Variants in ARHGAP11A observed in about 807,000 individuals in gnomAD.
The protein encoded by ARHGAP11A is Rho GTPase activating protein 11A.
ARHGAP11A carries 36 observed loss-of-function variants against 60.5 expected under a neutral mutation model. The observed-to-expected ratio is 0.59, with a 90% CI of 0.46 to 0.79. ARHGAP11A has a LOEUF of 0.79. ARHGAP11A is among the 30% of genes least tolerant of loss of function. The pLI, the probability that ARHGAP11A is intolerant of heterozygous loss-of-function variation, is 0.00. For missense variants in ARHGAP11A, 1,071 were observed against 1,199.2 expected (o/e 0.89, Z 1.58); for synonymous variants, 362 against 415.5 (o/e 0.87, Z 1.57).
rs535460274 is a variant in ARHGAP11A at position 32,628,460 on chromosome 15, C to T, written c.863-268C>T. ...ACATGTAATGATTTCTTTTTCCCTA[C>T]CCTTACTGTACATTATATGTATTTG... On this transcript the variant is annotated intron_variant, in intron 6 of 11. Transcript: ENST00000361627. Among the ~76,000 whole-genome samples, 5 of 152,226 alleles carry T rather than the reference C, an allele frequency of 3.3e-5. No individual in the cohort carries two copies. In the East Asian group the frequency reaches 7.7e-4, roughly 23 times the overall value.
rs1370212807 is a variant in ARHGAP11A, at chr15:32,637,207, C to A, written c.2434C>A (p.Gln812Lys). The stretch of plus-strand genomic sequence containing the variant: ...ACATAGAAAGGTTTCTGATCACATA[C>A]AGTGGTTTAACAAGCTTTCTTTAAA... ...TEHRKVSDHIQWFNKLSLNEP... is the reference protein window; with the variant it reads ...TEHRKVSDHIKWFNKLSLNEP... The change falls in exon 12 of 12, where the codon CAG becomes AAG. Residue 812 changes from glutamine (Q) to lysine (K), a missense_variant. By Grantham distance (53) the Gln-to-Lys change is moderately conservative (BLOSUM62 1). Transcript: ENST00000361627. 1 of 1,614,190 alleles carries A rather than the reference C, an allele frequency of 6.2e-7. No individual in the cohort carries two copies. Among genetic ancestry groups the A allele is most frequent in the Non-Finnish European group, 8.5e-7 (1 of 1,180,014 alleles).
Position 32,639,307 on chromosome 15 carries a change from C to T in ARHGAP11A, c.*1462C>T, listed in dbSNP as rs1409415721. 1 of 152,148 alleles carries T rather than the reference C, an allele frequency of 6.6e-6. No homozygotes were observed. Among genetic ancestry groups the T allele is most frequent in the Non-Finnish European group, 1.5e-5 (1 of 68,018 alleles). The allele number at this position is 152,148 out of a possible 1,614,324, so 9.4% of individuals were successfully genotyped here. A position where few individuals can be genotyped will look rare whatever the true frequency, so the allele number is the denominator to read the frequency against. On this transcript the variant is annotated 3_prime_UTR_variant, in exon 12 of 12. Transcript: ENST00000361627. ...GCAGATTAGAGCAGCATTCATGCCA[C>T]TCGGAGCAACCAGACTTACAGCATA...
In ARHGAP11A at chr15:32,616,115, G is replaced by C. The variant is rs1414888823; in HGVS notation, c.-97G>C. ...GACGGGGCCGGAAAGCAGCCGAGCG[G>C]AGTTCAAATTTGAGAGCGTTTGGAA... is the stretch of plus-strand genomic sequence containing the variant. On this transcript the variant is annotated 5_prime_UTR_variant, in exon 1 of 12. Coordinates refer to ENST00000361627, the MANE Select transcript of ARHGAP11A (RefSeq NM_014783.6). The C allele has an allele frequency of 6.6e-6, 10 of 1,509,022 alleles. No homozygotes were observed. The highest frequency in any genetic ancestry group is 8.9e-6 in the Non-Finnish European group (10 of 1,128,286). 93.5% of individuals were successfully genotyped at this position (1,509,022 alleles called of 1,614,324 possible).
At chr15:32,616,980 A>G (rs2053168639) in intron 1 of ARHGAP11A, among the ~76,000 whole-genome samples, 2 of 152,180 alleles carry the variant, frequency 1.3e-5, no homozygotes, top group Admixed American at 1.3e-4. Flanking sequence ...GTATGAGTAA[A>G]TTGAGAAGCC....
chr15:32,633,807 A>G (rs1398144781), intron 9 of ARHGAP11A, 126 bp from the exon 10 acceptor site: 1 of 613,434 alleles, frequency 1.6e-6, no homozygotes, highest in Non-Finnish European at 2.8e-6. Context: ...CTGTTTTTAA[A>G]GAATTATTAA....
At position 32,639,815 on chromosome 15, in the gene ARHGAP11A, C is replaced by A. The variant is rs562709556; in HGVS notation, c.*1970C>A. The A allele has an allele frequency of 2.0e-5, 3 of 152,178 alleles. No individual in the cohort carries two copies. Among genetic ancestry groups the A allele is most frequent in the East Asian group, 3.9e-4 (2 of 5,188 alleles). The allele number at this position is 152,178 out of a possible 1,614,324, so 9.4% of individuals were successfully genotyped here. ...TAATGCGTTTTTATTTTTTCTTATA[C>A]AAAATAGAGATAATGTTGCTAACTT... On this transcript the variant is annotated 3_prime_UTR_variant, in exon 12 of 12. Coordinates refer to ENST00000361627, the MANE Select transcript of ARHGAP11A (RefSeq NM_014783.6).
At position 32,636,463 on chromosome 15, in the gene ARHGAP11A, T is replaced by C; in HGVS notation, c.1690T>C (p.Cys564Arg). The change falls in exon 12 of 12, where the codon TGT becomes CGT. Residue 564 changes from cysteine (C) to arginine (R), a missense_variant. By Grantham distance (180) the Cys-to-Arg change is radical. This residue lies in a region of ARHGAP11A where 776 missense variants were observed against 760.2 expected (regional missense o/e 1.02). Coordinates refer to ENST00000361627, the MANE Select transcript of ARHGAP11A (RefSeq NM_014783.6). ...GGTAGAAAAGTCACCTGCTACTTCA[T>C]GTGAACTCACCCCTTCCAATTTAAA... The part of the protein sequence containing the change: ...IMVEKSPATS[C>R]ELTPSNLNNK... 6.2e-7 allele frequency: 1 copy of C among 1,613,934 alleles called. No homozygotes were observed. Among genetic ancestry groups the C allele is most frequent in the Non-Finnish European group, 8.5e-7 (1 of 1,179,898 alleles).
intron 1 of ARHGAP11A, among the ~76,000 whole-genome samples, chr15:32,617,693 C>T (rs2053192211): frequency 6.6e-6 from 1 of 152,098 alleles, no homozygotes; most frequent in Admixed American, 6.5e-5. Context: ...AGGATGGTCT[C>T]GATCTCCTGC....
chr15:32,619,090 A>C (rs899737388), intron 1 of ARHGAP11A, among the ~76,000 whole-genome samples: 1 of 152,230 alleles, frequency 6.6e-6, no homozygotes, highest in South Asian at 2.1e-4. Context: ...AAATTTTGTT[A>C]CTGTGTTGCG....
At position 32,636,381 on chromosome 15, in the gene ARHGAP11A, A is replaced by C; in HGVS notation, c.1608A>C (p.Glu536Asp). The C allele has an allele frequency of 6.2e-7, 1 of 1,614,096 alleles. No homozygotes were observed. The highest frequency in any genetic ancestry group is 8.5e-7 in the Non-Finnish European group (1 of 1,179,976). Residue 536 changes from glutamate to aspartate, a missense_variant, in exon 12 of 12, where the codon GAA becomes GAC. Physicochemically the swap from Glu to Asp is conservative, Grantham distance 45 (BLOSUM62 2). Around this residue, in one of 4 missense-constraint regions of ARHGAP11A, gnomAD observed 776 missense variants for 760.2 expected, o/e 1.02. Coordinates refer to ENST00000361627, the MANE Select transcript of ARHGAP11A (RefSeq NM_014783.6). The stretch of plus-strand genomic sequence containing the variant: ...GTTTTCAAGAAGTAGATGCAAATGA[A>C]GCTTCTTCAATGGTGGAAAATCTTG... Reference protein sequence around the residue: ...NSSFQEVDANEASSMVENLEV... With the variant: ...NSSFQEVDANDASSMVENLEV...
At chr15:32,633,129 T>C in intron 9 of ARHGAP11A, 21 bp downstream of exon 9, 1 of 1,612,926 alleles carries the variant, frequency 6.2e-7, no homozygotes, top group East Asian at 2.2e-5. Context: ...CAGGACATTT[T>C]GTTTTCATCG....
intron 2 of ARHGAP11A, among the ~76,000 whole-genome samples, chr15:32,621,185 T>G (rs78815753): frequency 1.4e-4 from 2 of 14,646 alleles, no homozygotes; most frequent in African/African-American, 2.8e-4. Context: ...CTTTTATTCT[T>G]TTTTTTTTTT....
Position 32,636,792 on chromosome 15 carries a change from C to A in ARHGAP11A, c.2019C>A (p.Asp673Glu). The A allele has an allele frequency of 6.2e-7, 1 of 1,610,508 alleles. No homozygotes were observed. Among genetic ancestry groups the A allele is most frequent in the South Asian group, 1.1e-5 (1 of 89,850 alleles). ...GKGEKCFSER[D>E]FSPLQTQTFN... Reference sequence around the variant, plus strand: ...GTGAAAAATGTTTTTCAGAGAGGGACTTTTCACCCCTTCAAACTCAAACAT... The same window carrying A: ...GTGAAAAATGTTTTTCAGAGAGGGAATTTTCACCCCTTCAAACTCAAACAT... The change falls in exon 12 of 12, where the codon GAC becomes GAA. Residue 673 changes from aspartate (D) to glutamate (E), a missense_variant. Asp to Glu is a conservative substitution (Grantham distance 45). Coordinates refer to ENST00000361627, the MANE Select transcript of ARHGAP11A (RefSeq NM_014783.6).
chr15:32,618,964 C>T (rs1410115416), intron 1 of ARHGAP11A, among the ~76,000 whole-genome samples: 2 of 152,088 alleles, frequency 1.3e-5, no homozygotes, highest in African/African-American at 4.8e-5. Flanking sequence ...AAAAATACAC[C>T]TGTCATTTTT....
At chr15:32,620,211 G>T (rs1567048844) in intron 2 of ARHGAP11A, 33 bp downstream of exon 2, 2 of 1,600,792 alleles carry the variant, frequency 1.2e-6, no homozygotes, top group South Asian at 2.3e-5. Flanking sequence ...AAGGCCGGGT[G>T]CAGTGGCATA....
In ARHGAP11A at chr15:32,618,329, C is replaced by G. The variant is rs973933636; in HGVS notation, c.130-1779C>G. On this transcript the variant is annotated intron_variant, in intron 1 of 11. Coordinates refer to ENST00000361627, the MANE Select transcript of ARHGAP11A (RefSeq NM_014783.6). Reference sequence around the variant, plus strand: ...TTATATATAGCAGAAGTAGACTTACCAGCTTAAGTATCTGGTTTATTTTTA... The same window carrying G: ...TTATATATAGCAGAAGTAGACTTACGAGCTTAAGTATCTGGTTTATTTTTA... Among the ~76,000 whole-genome samples the G allele has an allele frequency of 2.6e-5, 4 of 152,100 alleles. No individual in the cohort carries two copies. In the South Asian group the frequency reaches 8.3e-4, roughly 32 times the overall value.
Position 32,637,421 on chromosome 15 carries a change from G to A in ARHGAP11A, c.2648G>A (p.Cys883Tyr). 6.2e-7 allele frequency: 1 copy of A among 1,614,080 alleles called. No individual in the cohort carries two copies. Among genetic ancestry groups the A allele is most frequent in the Non-Finnish European group, 8.5e-7 (1 of 1,179,996 alleles). The change falls in exon 12 of 12, where the codon TGT becomes TAT. Residue 883 changes from cysteine (C) to tyrosine (Y), a missense_variant. Physicochemically the swap from Cys to Tyr is radical, Grantham distance 194 (BLOSUM62 -2). Around this residue, in one of 4 missense-constraint regions of ARHGAP11A, gnomAD observed 776 missense variants for 760.2 expected, o/e 1.02. Transcript: ENST00000361627. ...SVSCDGALSS[C>Y]IESASKDSSV... ...AGCTGTGACGGTGCTCTTTCCTCTTGTATAGAAAGTGCATCAAAAGATTCC... is the reference window on the plus strand; with the variant it reads ...AGCTGTGACGGTGCTCTTTCCTCTTATATAGAAAGTGCATCAAAAGATTCC...
chr15:32,636,222 T>C (rs1186822080), intron 11 of ARHGAP11A, 35 bp from the exon 12 acceptor site: 1 of 1,524,932 alleles, frequency 6.6e-7, no homozygotes, highest in Non-Finnish European at 8.8e-7. Context: ...CAAGGTTAAA[T>C]ACAAAGGATT....
intron 10 of ARHGAP11A, among the ~76,000 whole-genome samples, chr15:32,634,424 C>T (rs2053657810): frequency 6.6e-6 from 1 of 152,160 alleles, no homozygotes; most frequent in South Asian, 2.1e-4. Context: ...CTCCAGTGAG[C>T]ATTTTCTTTG....
Sources: allele counts gnomAD v4.1 joint callset (sites outside exome capture counted in the v4.1 genomes callset), GRCh38; gene constraint gnomAD v4.1.1; regional missense constraint gnomAD v4.1.1; transcripts MANE v1.5; gene names NCBI Gene and HGNC (gene_info 2026-07-23, HGNC 2026-07-21).